The following GALNT13 variants were observed in gnomAD, a reference collection of about 807,000 sequenced individuals.
The protein encoded by GALNT13 is polypeptide N-acetylgalactosaminyltransferase 13.
A neutral mutation model predicts 64.2 loss-of-function variants in GALNT13; 28 were observed. That is an observed-to-expected ratio of 0.44 (90% CI 0.32 to 0.60). GALNT13 has a LOEUF of 0.60. Ranked by LOEUF, GALNT13 falls within the 20% of genes least tolerant of loss-of-function variation. GALNT13 has a pLI of 0.05. For missense variants in GALNT13, 577 were observed against 669.8 expected (o/e 0.86, Z 1.53); for synonymous variants, 214 against 224.6 (o/e 0.95, Z 0.42).
chr2:153,218,851 CT>C, the GALNT13 span, among the ~76,000 whole-genome samples: 1 of 152,164 alleles, frequency 6.6e-6, no homozygotes, highest in East Asian at 1.9e-4. Flanking sequence ...CATGTTTTGT[CT>C]TTTTCTCCTT....
chr2:153,109,446 T>A, the GALNT13 span, among the ~76,000 whole-genome samples: 3 of 152,148 alleles, frequency 2.0e-5, no homozygotes, highest in African/African-American at 7.2e-5. Flanking sequence ...ACAGACCCTT[T>A]CAGAGAGTTC....
intron 9 of GALNT13, among the ~76,000 whole-genome samples, chr2:154,308,445 A>G (rs980429334): frequency 2.7e-5 from 4 of 150,754 alleles, no homozygotes; most frequent in African/African-American, 1.0e-4. Context: ...GAAAAATACA[A>G]TATTTAATAA....
At chr2:154,351,527 C>CA (rs1346559836) in intron 9 of GALNT13, among the ~76,000 whole-genome samples, 1 of 151,400 alleles carries the variant, frequency 6.6e-6, no homozygotes, top group Non-Finnish European at 1.5e-5. Context: ...ACTAAAAATA[C>CA]AAAAAATTAG....
the GALNT13 span, among the ~76,000 whole-genome samples, chr2:153,506,222 T>G: frequency 6.6e-6 from 1 of 152,170 alleles, no homozygotes; most frequent in Non-Finnish European, 1.5e-5. Flanking sequence ...TACCTTAGGT[T>G]TACGTGAGTC....
chr2:154,335,778 A>G (rs1203286605), intron 9 of GALNT13, among the ~76,000 whole-genome samples: 1 of 152,134 alleles, frequency 6.6e-6, no homozygotes, highest in East Asian at 1.9e-4. Flanking sequence ...AAACAGCATA[A>G]CAATGAATAT....
intron 10 of GALNT13, among the ~76,000 whole-genome samples, chr2:154,405,096 A>C (rs1253495062): frequency 6.6e-6 from 1 of 152,172 alleles, no homozygotes; most frequent in Non-Finnish European, 1.5e-5. Context: ...CTCATAAGAC[A>C]GAGGAAAAGT....
chr2:153,082,279 C>G, the GALNT13 span, among the ~76,000 whole-genome samples: 1 of 151,930 alleles, frequency 6.6e-6, no homozygotes, highest in Admixed American at 6.6e-5. Context: ...ACACTGTACT[C>G]AGTGTGTACT....
rs1165944417 is a variant in GALNT13, at chr2:153,963,943, T to C, written c.142+19304T>C. 2.6e-5 allele frequency among the ~76,000 whole-genome samples: 4 copies of C among 152,284 alleles called. No individual in the cohort carries two copies. The East Asian group carries it at 7.7e-4, about 29-fold the overall frequency. The stretch of plus-strand genomic sequence containing the variant: ...AACGTATTTTTTTATGCTTCTTTTA[T>C]TGTTCTAGCTAAGAAATATTTTCCA... On this transcript the variant is annotated intron_variant, in intron 3 of 12. Coordinates refer to ENST00000392825, the MANE Select transcript of GALNT13 (RefSeq NM_052917.4).
the GALNT13 span, among the ~76,000 whole-genome samples, chr2:153,272,839 C>A: frequency 6.6e-6 from 1 of 151,354 alleles, no homozygotes; most frequent in South Asian, 2.1e-4. Flanking sequence ...CAGCACTATT[C>A]ACAATCGCAA....
chr2:154,163,670 G>A (rs1268548069), intron 4 of GALNT13, among the ~76,000 whole-genome samples: 1 of 152,074 alleles, frequency 6.6e-6, no homozygotes, highest in Admixed American at 6.5e-5. Flanking sequence ...ACAGTAACAA[G>A]CCCGAAGCTA....
At chr2:153,167,785 T>C in the GALNT13 span, among the ~76,000 whole-genome samples, 3 of 152,200 alleles carry the variant, frequency 2.0e-5, no homozygotes, top group Non-Finnish European at 4.4e-5. Context: ...TTCTATGGGC[T>C]AATTTTTGCA....
chr2:153,871,745 C>G (rs1485690592), upstream of GALNT13, among the ~76,000 whole-genome samples: 1 of 152,296 alleles, frequency 6.6e-6, no homozygotes, highest in South Asian at 2.1e-4. Flanking sequence ...ACCGCCCCAG[C>G]CCGGGGAGGA....
chr2:153,247,265 A>G, the GALNT13 span, among the ~76,000 whole-genome samples: 1 of 152,190 alleles, frequency 6.6e-6, no homozygotes, highest in Admixed American at 6.5e-5. Context: ...AGGACTTGAA[A>G]TCAACTCTGG....
chr2:154,147,116 T>C (rs1683652945), intron 4 of GALNT13, among the ~76,000 whole-genome samples: 1 of 152,148 alleles, frequency 6.6e-6, no homozygotes, highest in Non-Finnish European at 1.5e-5. Context: ...CAATGAATCT[T>C]TAGCATTATT....
At chr2:153,362,199 T>G in the GALNT13 span, among the ~76,000 whole-genome samples, 110 of 152,238 alleles carry the variant, frequency 7.2e-4, no homozygotes, top group African/African-American at 2.5e-3. Flanking sequence ...CAGGCCTGCC[T>G]TGCAAGAGCT....
the GALNT13 span, among the ~76,000 whole-genome samples, chr2:153,733,330 T>G: frequency 1.3e-5 from 2 of 152,150 alleles, no homozygotes; most frequent in African/African-American, 4.8e-5. Context: ...CTACTGAAGT[T>G]AGCCTGCCCT....
At chr2:153,736,408 A>G in the GALNT13 span, among the ~76,000 whole-genome samples, 1 of 152,120 alleles carries the variant, frequency 6.6e-6, no homozygotes, top group African/African-American at 2.4e-5. Context: ...TACTTCCCCA[A>G]TGTAATCAAG....
the GALNT13 span, among the ~76,000 whole-genome samples, chr2:153,331,961 A>G: frequency 1.3e-5 from 2 of 152,152 alleles, no homozygotes; most frequent in Non-Finnish European, 2.9e-5. Context: ...GTTTGTGTGC[A>G]TAGAAGTGCT....
At chr2:154,225,511 A>G (rs149378084) in intron 4 of GALNT13, among the ~76,000 whole-genome samples, 1 of 152,168 alleles carries the variant, frequency 6.6e-6, no homozygotes, top group South Asian at 2.1e-4. Flanking sequence ...TACCCTCAAG[A>G]TACAGCTCCA....
Sources: gnomAD v4.1 joint callset for allele counts (sites outside exome capture counted in the v4.1 genomes callset) on GRCh38, gnomAD v4.1.1 for gene constraint, MANE v1.5 for transcripts, NCBI Gene and HGNC (gene_info 2026-07-23, HGNC 2026-07-21) for gene names.